The following PHACTR1 variants were observed in gnomAD, a reference collection of about 807,000 sequenced individuals.
PHACTR1 encodes RPEL repeat containing 1.
A neutral mutation model predicts 69.2 loss-of-function variants in PHACTR1; 16 were observed. The observed-to-expected ratio is 0.23, with a 90% CI of 0.16 to 0.35. PHACTR1 has a LOEUF of 0.35. Among genes scored for constraint, PHACTR1 ranks in the 10% least tolerant of loss-of-function variants. The pLI, the probability that PHACTR1 is intolerant of heterozygous loss-of-function variation, is 1.00. For synonymous variants in PHACTR1, 312 were observed against 284.5 expected (o/e 1.10, Z -0.97); for missense variants, 510 against 734.7 (o/e 0.69, Z 3.54).
intron 4 of PHACTR1, among the ~76,000 whole-genome samples, chr6:12,755,482 G>T (rs1767203871): frequency 6.6e-6 from 1 of 152,012 alleles, no homozygotes; most frequent in South Asian, 2.1e-4. Context: ...CTTATTTGTT[G>T]TATAAAACAT....
At chr6:12,747,515 A>T (rs745925711) in intron 3 of PHACTR1, among the ~76,000 whole-genome samples, 5 of 151,944 alleles carry the variant, frequency 3.3e-5, no homozygotes, top group Non-Finnish European at 5.9e-5. Context: ...AAGAAAAAAA[A>T]ATTAGTTGGG....
intron 4 of PHACTR1, among the ~76,000 whole-genome samples, chr6:12,945,930 T>C (rs1479057969): frequency 6.6e-6 from 1 of 151,342 alleles, no homozygotes; most frequent in Non-Finnish European, 1.5e-5. Flanking sequence ...GCCACCGCAC[T>C]CCAGCCTGGG....
chr6:12,965,451 C>CTTTTT (rs55640152), intron 4 of PHACTR1, among the ~76,000 whole-genome samples: 26 of 131,940 alleles, frequency 2.0e-4, no homozygotes, highest in African/African-American at 3.9e-4. Context: ...TATTTTGTGC[C>CTTTTT]TTTTTTTTTT....
chr6:13,102,020 C>A (rs1815245633), intron 5 of PHACTR1, among the ~76,000 whole-genome samples: 1 of 152,168 alleles, frequency 6.6e-6, no homozygotes, highest in South Asian at 2.1e-4. Context: ...CTAGTTACCC[C>A]AAAAATTATC....
rs187392896 is a variant in PHACTR1 at position 13,168,168 on chromosome 6, T to G, written c.496+7884T>G. Among the ~76,000 whole-genome samples the G allele has an allele frequency of 1.7e-3, 263 of 152,252 alleles. 1 individual carries two copies. Among genetic ancestry groups the G allele is most frequent in the African/African-American group, 6.0e-3 (249 of 41,558 alleles). On this transcript the variant is annotated intron_variant, in intron 6 of 14. Coordinates refer to ENST00000332995, the MANE Select transcript of PHACTR1 (RefSeq NM_030948.6). Reference sequence around the variant, plus strand: ...AGTAACCATGTGAAAATGAAAAGAGTGTTTACTTTCAGCATCAACAACCTA... The same window carrying G: ...AGTAACCATGTGAAAATGAAAAGAGGGTTTACTTTCAGCATCAACAACCTA...
chr6:12,931,215 A>G (rs949578049), intron 4 of PHACTR1, among the ~76,000 whole-genome samples: 3 of 152,180 alleles, frequency 2.0e-5, no homozygotes, highest in Non-Finnish European at 4.4e-5. Flanking sequence ...TATTTCTCCA[A>G]CGATTGTGAC....
chr6:13,207,732 A>C (rs1014755957), intron 8 of PHACTR1, among the ~76,000 whole-genome samples: 1 of 152,218 alleles, frequency 6.6e-6, no homozygotes, highest in Non-Finnish European at 1.5e-5. Context: ...TATGAGGTGC[A>C]AAGGGTATCT....
At chr6:12,722,989 C>A (rs1762312140) in intron 3 of PHACTR1, among the ~76,000 whole-genome samples, 1 of 152,182 alleles carries the variant, frequency 6.6e-6, no homozygotes, top group African/African-American at 2.4e-5. Flanking sequence ...AGGTTTCTGA[C>A]AATGCTACCC....
intron 10 of PHACTR1, among the ~76,000 whole-genome samples, chr6:13,238,874 C>T (rs1772397639): frequency 6.6e-6 from 1 of 152,176 alleles, no homozygotes; most frequent in South Asian, 2.1e-4. Flanking sequence ...CTTGGACTTA[C>T]TTAGTGTCCC....
chr6:12,965,273 C>T (rs780506190), intron 4 of PHACTR1, among the ~76,000 whole-genome samples: 13 of 152,112 alleles, frequency 8.5e-5, no homozygotes, highest in Non-Finnish European at 1.3e-4. Flanking sequence ...GCAAAATTTG[C>T]CTACTCACTA....
intron 5 of PHACTR1, among the ~76,000 whole-genome samples, chr6:13,140,947 A>G (rs1195023500): frequency 1.3e-5 from 2 of 152,194 alleles, no homozygotes; most frequent in African/African-American, 4.8e-5. Context: ...AAGTGACAGG[A>G]TGTTTTAATG....
chr6:13,019,988 T>C (rs1484577612), intron 4 of PHACTR1, among the ~76,000 whole-genome samples: 3 of 152,080 alleles, frequency 2.0e-5, no homozygotes, highest in Admixed American at 6.5e-5. Flanking sequence ...GTACTGCTGG[T>C]GGACAGGCTA....
chr6:12,848,033 T>C (rs1355067858), intron 4 of PHACTR1, among the ~76,000 whole-genome samples: 2 of 152,160 alleles, frequency 1.3e-5, no homozygotes, highest in Admixed American at 6.5e-5. Flanking sequence ...CAGCTGATCA[T>C]TGGGCAGTGC....
At chr6:12,797,040 T>TACA (rs1773096144) in intron 4 of PHACTR1, among the ~76,000 whole-genome samples, 1 of 133,320 alleles carries the variant, frequency 7.5e-6, no homozygotes, top group Non-Finnish European at 1.6e-5. Flanking sequence ...TGTGTGTGTG[T>TACA]GAGAGAGAGA....
chr6:13,162,832 G>T (rs1225473990), intron 6 of PHACTR1, among the ~76,000 whole-genome samples: 4 of 152,098 alleles, frequency 2.6e-5, no homozygotes, highest in Admixed American at 2.6e-4. Flanking sequence ...ACTCCAGACT[G>T]TTGGTGCCCC....
chr6:13,111,680 G>A (rs1817058989), intron 5 of PHACTR1, among the ~76,000 whole-genome samples: 1 of 152,044 alleles, frequency 6.6e-6, no homozygotes, highest in Non-Finnish European at 1.5e-5. Flanking sequence ...CTCAATATAG[G>A]TATATAGTTA....
At chr6:12,734,113 C>T (rs1763927683) in intron 3 of PHACTR1, among the ~76,000 whole-genome samples, 1 of 152,132 alleles carries the variant, frequency 6.6e-6, no homozygotes, top group African/African-American at 2.4e-5. Flanking sequence ...AAGGAAGCAA[C>T]GAACATTTGT....
intron 4 of PHACTR1, among the ~76,000 whole-genome samples, chr6:13,025,099 A>G (rs567572082): frequency 6.6e-6 from 1 of 152,058 alleles, no homozygotes; most frequent in Admixed American, 6.6e-5. Flanking sequence ...CTACAAAAAT[A>G]CAAAAATTAG....
At chr6:12,872,921 C>T (rs1782185068) in intron 4 of PHACTR1, among the ~76,000 whole-genome samples, 1 of 151,820 alleles carries the variant, frequency 6.6e-6, no homozygotes, top group Admixed American at 6.6e-5. Context: ...TTCCTTCCTC[C>T]CTTCTTTCTT....
Sources: allele counts gnomAD v4.1 joint callset (sites outside exome capture counted in the v4.1 genomes callset), GRCh38; gene constraint gnomAD v4.1.1; transcripts MANE v1.5; gene names NCBI Gene and HGNC (gene_info 2026-07-23, HGNC 2026-07-21).